DSCAML1: variants seen among roughly 807,000 people sequenced by gnomAD.
The protein encoded by DSCAML1 is cell adhesion molecule DSCAML1.
DSCAML1 carries 38 observed loss-of-function variants against 200.5 expected under a neutral mutation model. That is an observed-to-expected ratio of 0.19 (90% confidence interval 0.15 to 0.25). DSCAML1 has a LOEUF of 0.25. Ranked by LOEUF, DSCAML1 falls within the 10% of genes least tolerant of loss-of-function variation. The pLI, the probability that DSCAML1 is intolerant of heterozygous loss-of-function variation, is 1.00. For synonymous variants in DSCAML1, 1,215 were observed against 1,165.0 expected (o/e 1.04, Z -0.87); for missense variants, 2,223 against 2,858.8 (o/e 0.78, Z 5.07).
At chr11:117,656,283 A>G (rs1009706682) in intron 3 of DSCAML1, among the ~76,000 whole-genome samples, 2 of 152,202 alleles carry the variant, frequency 1.3e-5, no homozygotes, top group African/African-American at 2.4e-5. Context: ...CTGGAGTCAG[A>G]CAAGCCAGCT....
rs1375998237 is a variant in DSCAML1, at chr11:117,780,298, AAG to A, written c.364+193_364+194del. Among the ~76,000 whole-genome samples, 92 of 111,194 alleles carry A rather than the reference AAG, an allele frequency of 8.3e-4. 3 individuals are homozygous for A. The East Asian group carries it at 0.011, about 13-fold the overall frequency. 72.9% of individuals were successfully genotyped at this position (111,194 alleles called of 152,430 possible). On this transcript the variant is annotated intron_variant, in intron 2 of 32. Coordinates refer to ENST00000651296, the MANE Select transcript of DSCAML1 (RefSeq NM_020693.4). This position sits in a 1 kb window ranked among gnomAD's most constrained non-coding sequence, Gnocchi z 4.8. The stretch of plus-strand genomic sequence containing the variant: ...AAAGAAAGAAAGAAAGAAAGAAAGA[AAG>A]AAAGAGAGAAAGGAGAAAGAAAGGT...
chr11:117,807,558 A>G (rs2055717167), intron 1 of DSCAML1, among the ~76,000 whole-genome samples: 1 of 152,208 alleles, frequency 6.6e-6, no homozygotes, highest in South Asian at 2.1e-4. Context: ...TGGAAGTGGG[A>G]ACAGAACACC....
chr11:117,451,398 G>T (rs1408164938), intron 19 of DSCAML1, among the ~76,000 whole-genome samples: 7 of 152,138 alleles, frequency 4.6e-5, no homozygotes, highest in African/African-American at 1.4e-4. Flanking sequence ...TTCCTTTCTA[G>T]AAACTTTTAT....
At chr11:117,496,387 A>G (rs1212760858) in intron 11 of DSCAML1, among the ~76,000 whole-genome samples, 1 of 152,158 alleles carries the variant, frequency 6.6e-6, no homozygotes, top group Admixed American at 6.5e-5. Flanking sequence ...AGGGGCTTCA[A>G]CTGTCATTGG....
intron 3 of DSCAML1, among the ~76,000 whole-genome samples, chr11:117,647,748 T>C (rs1057391449): frequency 6.6e-6 from 1 of 151,768 alleles, no homozygotes. Context: ...AAAGAGAAGA[T>C]ACAGTGGAGG....
chr11:117,723,650 T>G (rs1266424266), intron 3 of DSCAML1, among the ~76,000 whole-genome samples: 1 of 152,214 alleles, frequency 6.6e-6, no homozygotes, highest in East Asian at 1.9e-4. Context: ...GGGGTTGGCG[T>G]TGAGTTCATC....
At position 117,780,810 on chromosome 11, in the gene DSCAML1, G is replaced by C; in HGVS notation, c.47C>G (p.Ala16Gly). ...GCTGGTGCCAACATCTTCAGGGCGG[G>C]CTGCAGGAGAGGCAAGGGGAGAGAC... ...FLLLLDSLHK[A>G]RPEDVGTSLY... Residue 16 changes from alanine to glycine, a missense_variant and splice_region_variant, in exon 2 of 33, where the codon GCC becomes GGC. Physicochemically the swap from Ala to Gly is moderately conservative, Grantham distance 60. Transcript: ENST00000651296. The surrounding 1 kb of genome is among the most constrained non-coding windows in gnomAD (Gnocchi z 4.8). The C allele has an allele frequency of 6.9e-7, 1 of 1,440,482 alleles. No individual in the cohort carries two copies. The highest frequency in any genetic ancestry group is 9.1e-7 in the Non-Finnish European group (1 of 1,099,036). The allele number at this position is 1,440,482 out of a possible 1,614,324, so 89.2% of individuals were successfully genotyped here.
At chr11:117,650,692 T>TGTGTGTGTGC (rs1367453232) in intron 3 of DSCAML1, among the ~76,000 whole-genome samples, 20 of 141,788 alleles carry the variant, frequency 1.4e-4, no homozygotes, top group African/African-American at 4.3e-4. Context: ...TGTGTGTGTG[T>TGTGTGTGTGC]GTGTGTGTGC....
At chr11:117,472,088 C>G in intron 14 of DSCAML1, 52 bp from the exon 15 acceptor site, 1 of 1,599,882 alleles carries the variant, frequency 6.3e-7, no homozygotes, top group Non-Finnish European at 8.5e-7. Flanking sequence ...TCCAGGACCC[C>G]TTCCCAGCCT....
At chr11:117,737,898 C>T (rs1939981) in intron 3 of DSCAML1, among the ~76,000 whole-genome samples, 97,397 of 151,952 alleles carry the variant, frequency 0.64, 32,858 homozygotes, top group Non-Finnish European at 0.76. Context: ...GTTGTGACAG[C>T]GAGTGTAGAT....
In DSCAML1 at chr11:117,600,259, G is replaced by A. The variant is rs796441953; in HGVS notation, c.512-67737C>T. Among the ~76,000 whole-genome samples, 7 of 152,176 alleles carry A rather than the reference G, an allele frequency of 4.6e-5. No individual in the cohort carries two copies. In the East Asian group the frequency reaches 1.2e-3, roughly 25 times the overall value. ...GGCAGGGCTTCCTGTAGCACACAGG[G>A]AGGATCTTCATTGCCTTGCTCTCTG... is the stretch of plus-strand genomic sequence containing the variant. On this transcript the variant is annotated intron_variant, in intron 3 of 32. Coordinates refer to ENST00000651296, the MANE Select transcript of DSCAML1 (RefSeq NM_020693.4).
chr11:117,696,980 T>C lies in DSCAML1; in HGVS notation c.511+79811A>G, dbSNP rs761139075. Among the ~76,000 whole-genome samples, 14 of 152,326 alleles carry C rather than the reference T, an allele frequency of 9.2e-5. 1 individual carries two copies. Among genetic ancestry groups the C allele is most frequent in the Middle Eastern group, 6.8e-3 (2 of 294 alleles). On this transcript the variant is annotated intron_variant, in intron 3 of 32. Coordinates refer to ENST00000651296, the MANE Select transcript of DSCAML1 (RefSeq NM_020693.4). ...TCCACAGACTCTTCAGGGACTAATATGGGAGCTAACATTTAACAAGGACCT... is the reference window on the plus strand; with the variant it reads ...TCCACAGACTCTTCAGGGACTAATACGGGAGCTAACATTTAACAAGGACCT...
intron 23 of DSCAML1, 69 bp from the exon 24 acceptor site, chr11:117,439,052 C>A: frequency 4.1e-6 from 6 of 1,462,972 alleles, no homozygotes; most frequent in South Asian, 2.7e-5. Context: ...GGAGTCCCCC[C>A]GTGACGGGAA....
chr11:117,809,796 G>T (rs1311542411), intron 1 of DSCAML1, among the ~76,000 whole-genome samples: 1 of 152,016 alleles, frequency 6.6e-6, no homozygotes, highest in Admixed American at 6.5e-5. Flanking sequence ...CTCCTCCCCA[G>T]TTCCAGCTCA....
intron 3 of DSCAML1, among the ~76,000 whole-genome samples, chr11:117,698,088 G>A (rs1565880830): frequency 6.6e-6 from 1 of 152,154 alleles, no homozygotes; most frequent in Non-Finnish European, 1.5e-5. Context: ...CTTCTTTTTA[G>A]AGGCTGAATC....
chr11:117,561,126 G>T (rs1387715409), intron 3 of DSCAML1, among the ~76,000 whole-genome samples: 1 of 152,158 alleles, frequency 6.6e-6, no homozygotes, highest in African/African-American at 2.4e-5. Flanking sequence ...CTGTGCCTCT[G>T]GGCAGCACTG....
chr11:117,655,487 C>T (rs908232866), intron 3 of DSCAML1, among the ~76,000 whole-genome samples: 1 of 152,314 alleles, frequency 6.6e-6, no homozygotes, highest in African/African-American at 2.4e-5. Context: ...CAAGATCACA[C>T]AGCTAGTAAA....
At chr11:117,478,286 C>T (rs1282403901) in intron 14 of DSCAML1, among the ~76,000 whole-genome samples, 2 of 152,156 alleles carry the variant, frequency 1.3e-5, no homozygotes, top group African/African-American at 4.8e-5. Context: ...GCCCAGGCAT[C>T]CACCTCCCAT....
upstream of DSCAML1, among the ~76,000 whole-genome samples, chr11:117,798,466 C>T (rs111984123): frequency 3.6e-3 from 549 of 152,262 alleles, 2 homozygotes; most frequent in African/African-American, 0.012. Flanking sequence ...ATGTACATAA[C>T]ATAAAATTTA....
Sources: gnomAD v4.1 joint callset for allele counts (sites outside exome capture counted in the v4.1 genomes callset) on GRCh38, gnomAD v4.1.1 for gene constraint, Gnocchi (gnomAD v3.1) non-coding constraint, MANE v1.5 for transcripts, NCBI Gene and HGNC (gene_info 2026-07-23, HGNC 2026-07-21) for gene names.